Variants in LOXL2 observed in about 807,000 individuals in gnomAD.
LOXL2 encodes the protein lysyl oxidase like 2.
LOXL2 carries 70 observed loss-of-function variants against 93.0 expected under a neutral mutation model. The observed-to-expected ratio is 0.75, with a 90% CI of 0.62 to 0.92. The LOEUF (loss-of-function observed/expected upper bound fraction) is 0.92. Among genes scored for constraint, LOXL2 ranks in the 40% least tolerant of loss-of-function variants. The pLI, the probability that LOXL2 is intolerant of heterozygous loss-of-function variation, is 0.00. For missense variants in LOXL2, 973 were observed against 1,054.9 expected (o/e 0.92, Z 1.08); for synonymous variants, 438 against 413.2 (o/e 1.06, Z -0.73).
Position 23,390,553 on chromosome 8 carries a change from A to G in LOXL2, c.-84+13401T>C, listed in dbSNP as rs117534967. Among the ~76,000 whole-genome samples, 25 of 152,272 alleles carry G rather than the reference A, an allele frequency of 1.6e-4. No homozygotes were observed. In the East Asian group the frequency reaches 3.9e-3, roughly 24 times the overall value. ...TTGTTGGCATAATTTGTTGTGACCAATGGGGGTTCCCCGCAGCCCACCGCT... is the reference window on the plus strand; with the variant it reads ...TTGTTGGCATAATTTGTTGTGACCAGTGGGGGTTCCCCGCAGCCCACCGCT... On this transcript the variant is annotated intron_variant, in intron 1 of 13. Coordinates refer to ENST00000389131, the MANE Select transcript of LOXL2 (RefSeq NM_002318.3).
intron 1 of LOXL2, among the ~76,000 whole-genome samples, chr8:23,403,743 A>G (rs887212615): frequency 6.6e-6 from 1 of 151,764 alleles, no homozygotes; most frequent in Non-Finnish European, 1.5e-5. Context: ...CCCGGCCCGT[A>G]CGAGGTGGGG....
intron 3 of LOXL2, among the ~76,000 whole-genome samples, chr8:23,353,263 A>G (rs1195970581): frequency 6.6e-6 from 1 of 152,138 alleles, no homozygotes; most frequent in Non-Finnish European, 1.5e-5. Flanking sequence ...CTCTCAATTT[A>G]AGAGGCTCTG....
chr8:23,397,772 CTG>C (rs1800110390), intron 1 of LOXL2, among the ~76,000 whole-genome samples: 1 of 133,516 alleles, frequency 7.5e-6, no homozygotes. Flanking sequence ...GAGCAAGACT[CTG>C]TCTCAAAAAA....
At chr8:23,323,805 G>A (rs1418498256) in intron 6 of LOXL2, among the ~76,000 whole-genome samples, 4 of 152,142 alleles carry the variant, frequency 2.6e-5, no homozygotes, top group Non-Finnish European at 5.9e-5. Context: ...AGGTTCAAGC[G>A]ATTCTTCTGC....
intron 1 of LOXL2, among the ~76,000 whole-genome samples, chr8:23,379,576 G>A (rs1804645614): frequency 6.6e-6 from 1 of 152,210 alleles, no homozygotes; most frequent in Non-Finnish European, 1.5e-5. Flanking sequence ...AGCTGCGGTG[G>A]GCTGCACCCA....
intron 6 of LOXL2, among the ~76,000 whole-genome samples, chr8:23,327,145 G>A (rs1031907217): frequency 1.3e-5 from 2 of 152,286 alleles, no homozygotes; most frequent in South Asian, 2.1e-4. Context: ...TCCTTCCAAC[G>A]TCAGGGCACC....
intron 1 of LOXL2, among the ~76,000 whole-genome samples, chr8:23,394,087 AAC>A (rs1418608795): frequency 6.6e-6 from 1 of 152,204 alleles, no homozygotes; most frequent in African/African-American, 2.4e-5. Flanking sequence ...TTTATAATTT[AAC>A]AATAAAAAGA....
chr8:23,403,543 C>T (rs531452747), intron 1 of LOXL2, among the ~76,000 whole-genome samples: 78 of 152,292 alleles, frequency 5.1e-4, no homozygotes, highest in South Asian at 1.7e-3. Context: ...GTCTCCCGAC[C>T]CGTCCCCCGC....
intron 3 of LOXL2, among the ~76,000 whole-genome samples, chr8:23,359,888 T>C (rs539282165): frequency 6.6e-6 from 1 of 152,290 alleles, no homozygotes; most frequent in African/African-American, 2.4e-5. Context: ...TGCTGTTCCT[T>C]GTGCCTGGAA....
Position 23,341,193 on chromosome 8 carries a change from A to G in LOXL2, c.542T>C (p.Ile181Thr). ...SLINQIENLN[I>T]QVEDIRIRAI... ...TCGAATCCGAATGTCCTCCACCTGG[A>G]TATTCAGGTTCTGGGAAGAAAGAGG... The change falls in exon 4 of 14, where the codon ATC becomes ACC. Residue 181 changes from isoleucine (I) to threonine (T), a missense_variant. Ile to Thr is a moderately conservative substitution (Grantham distance 89). Coordinates refer to ENST00000389131, the MANE Select transcript of LOXL2 (RefSeq NM_002318.3). 6.2e-7 allele frequency: 1 copy of G among 1,613,108 alleles called. No homozygotes were observed. The highest frequency in any genetic ancestry group is 8.5e-7 in the Non-Finnish European group (1 of 1,179,894).
intron 1 of LOXL2, among the ~76,000 whole-genome samples, chr8:23,388,270 C>T (rs10096495): frequency 0.084 from 12,827 of 151,992 alleles, 662 homozygotes; most frequent in African/African-American, 0.13. Context: ...TTCTGGATCC[C>T]GCACCTTGCA....
At chr8:23,332,347 CCA>C (rs1273235422) in intron 5 of LOXL2, among the ~76,000 whole-genome samples, 8 of 122,194 alleles carry the variant, frequency 6.5e-5, no homozygotes, top group South Asian at 3.0e-4. Flanking sequence ...ACATACACCC[CCA>C]CACTCATACA....
At chr8:23,393,524 C>T (rs1800042791) in intron 1 of LOXL2, among the ~76,000 whole-genome samples, 1 of 152,168 alleles carries the variant, frequency 6.6e-6, no homozygotes, top group African/African-American at 2.4e-5. Context: ...TGGGGCCCGA[C>T]CTCATAGCAT....
At chr8:23,349,437 C>T (rs745366735) in intron 3 of LOXL2, among the ~76,000 whole-genome samples, 2 of 152,128 alleles carry the variant, frequency 1.3e-5, no homozygotes, top group African/African-American at 2.4e-5. Flanking sequence ...TCCAGTGCCA[C>T]CATGTCCCAA....
At chr8:23,334,682 T>C (rs903495831) in intron 4 of LOXL2, among the ~76,000 whole-genome samples, 8 of 151,990 alleles carry the variant, frequency 5.3e-5, no homozygotes, top group Non-Finnish European at 1.2e-4. Context: ...ATTCAGTTTT[T>C]TTTTTTCTAA....
At chr8:23,330,608 T>G (rs1202023489) in intron 5 of LOXL2, among the ~76,000 whole-genome samples, 2 of 102,784 alleles carry the variant, frequency 1.9e-5, no homozygotes, top group African/African-American at 3.3e-5. Context: ...GAAAATATGA[T>G]GTAAGGCACG....
At chr8:23,342,189 C>T (rs77808758) in intron 3 of LOXL2, among the ~76,000 whole-genome samples, 2 of 152,048 alleles carry the variant, frequency 1.3e-5, no homozygotes, top group African/African-American at 4.8e-5. Flanking sequence ...TCCCAGGGAT[C>T]GGGCAGGAGA....
At chr8:23,299,364 A>T (rs1226021486) in intron 12 of LOXL2, among the ~76,000 whole-genome samples, 1 of 152,092 alleles carries the variant, frequency 6.6e-6, no homozygotes, top group Non-Finnish European at 1.5e-5. Context: ...GGCGTTGGAG[A>T]TGGGACACTC....
At chr8:23,400,070 G>T (rs762028214) in intron 1 of LOXL2, among the ~76,000 whole-genome samples, 7 of 152,160 alleles carry the variant, frequency 4.6e-5, no homozygotes, top group Admixed American at 6.5e-5. Flanking sequence ...TTTCCCACAT[G>T]ATCTGCCAAG....
Sources: allele counts gnomAD v4.1 joint callset (sites outside exome capture counted in the v4.1 genomes callset), GRCh38; gene constraint gnomAD v4.1.1; transcripts MANE v1.5; gene names NCBI Gene and HGNC (gene_info 2026-07-23, HGNC 2026-07-21).